MACF1: variants seen among roughly 807,000 people sequenced by gnomAD.
MACF1 encodes microtubule-actin cross-linking factor 1.
A neutral mutation model predicts 854.8 loss-of-function variants in MACF1; 193 were observed. The observed-to-expected ratio is 0.23, with a 90% CI of 0.20 to 0.25. The LOEUF is 0.25. Ranked by LOEUF, MACF1 falls within the 10% of genes least tolerant of loss-of-function variation. MACF1 has a pLI of 1.00. For missense variants in MACF1, 7,722 were observed against 8,929.1 expected, an observed-to-expected ratio of 0.86 and a Z score of 5.45; for synonymous variants, 3,185 against 3,226.7, an observed-to-expected ratio of 0.99 and a Z score of 0.44.
At chr1:39,381,045 A>AT (rs1238324463) in intron 55 of MACF1, among the ~76,000 whole-genome samples, 4 of 151,986 alleles carry the variant, frequency 2.6e-5, no homozygotes, top group South Asian at 4.1e-4. Flanking sequence ...ATGTAGATGA[A>AT]TTTTTTTTAA....
At chr1:39,453,884 C>G in intron 88 of MACF1, 34 bp downstream of exon 88, 1 of 1,612,220 alleles carries the variant, frequency 6.2e-7, no homozygotes, top group South Asian at 1.1e-5. Context: ...ACTGCACACG[C>G]CCAGTAAACT....
At chr1:39,412,891 G>T (rs1249786396) in intron 58 of MACF1, 2 of 1,610,050 alleles carry the variant, frequency 1.2e-6, no homozygotes, top group African/African-American at 1.3e-5. Flanking sequence ...TGCTGCTTTA[G>T]TGCCCTTTCC....
At chr1:39,288,496 T>TAAAA (rs150854643) in intron 15 of MACF1, among the ~76,000 whole-genome samples, 1 of 125,562 alleles carries the variant, frequency 8.0e-6, no homozygotes, top group Non-Finnish European at 1.7e-5. Context: ...AGACTCCATC[T>TAAAA]AAAAAAAAAA....
chr1:39,326,752 G>A (rs1646622925), intron 35 of MACF1, among the ~76,000 whole-genome samples: 1 of 151,372 alleles, frequency 6.6e-6, no homozygotes, highest in Non-Finnish European at 1.5e-5. Flanking sequence ...ATAGTAAATT[G>A]TGAAATGAAA....
rs1643952908 is a variant in MACF1 at position 39,435,412 on chromosome 1, C to T, written c.17785-146C>T. Reference sequence around the variant, plus strand: ...TAAGACTTAGGTGTTTTTCTGTTCCCACACAAATGGTGAGATGCTGGGCCT... The same window carrying T: ...TAAGACTTAGGTGTTTTTCTGTTCCTACACAAATGGTGAGATGCTGGGCCT... On this transcript the variant is annotated intron_variant, in intron 69 of 100. Transcript: ENST00000564288. 7.5e-6 allele frequency: 5 copies of T among 662,458 alleles called. No homozygotes were observed. In the East Asian group the frequency reaches 1.1e-4, roughly 14 times the overall value. 41.0% of individuals were successfully genotyped at this position (662,458 alleles called of 1,614,324 possible).
At chr1:39,102,577 A>G (rs6667815) in intron 2 of MACF1, 237,508 of 601,438 alleles carry the variant, frequency 0.39, 49,748 homozygotes, top group African/African-American at 0.52. Flanking sequence ...ATAACACATT[A>G]GAGGCGCTGA....
chr1:39,233,775 CTTTTTTTTTTTT>C lies in MACF1; in HGVS notation c.171+2543_171+2554del, dbSNP rs11286953. On this transcript the variant is annotated intron_variant, in intron 2 of 100. Transcript: ENST00000564288. ...TCATCTGTATGTTACCTAGCCATAG[CTTTTTTTTTTTT>C]TTTTTTTTTTATTTATTTTTTATTG... is the stretch of plus-strand genomic sequence containing the variant. Among the ~76,000 whole-genome samples the C allele has an allele frequency of 8.2e-5, 3 of 36,516 alleles. 1 individual carries two copies. The highest frequency in any genetic ancestry group is 1.9e-4 in the Non-Finnish European group (3 of 15,606). 24.0% of individuals were successfully genotyped at this position (36,516 alleles called of 152,430 possible). A position where few individuals can be genotyped will look rare whatever the true frequency, so the allele number is the denominator to read the frequency against.
intron 15 of MACF1, among the ~76,000 whole-genome samples, chr1:39,290,736 C>T (rs1335098323): frequency 4.8e-5 from 7 of 146,632 alleles, no homozygotes; most frequent in South Asian, 2.2e-4. Flanking sequence ...GGCACGATCT[C>T]GGCTCACTGC....
At chr1:39,258,053 C>G (rs1328507369) in intron 6 of MACF1, 25 bp downstream of exon 6, 4 of 1,588,364 alleles carry the variant, frequency 2.5e-6, no homozygotes, top group Non-Finnish European at 3.5e-6. Flanking sequence ...GTTTGGAATT[C>G]CTGTTGCTTT....
chr1:39,443,615 T>C, intron 79 of MACF1, 41 bp downstream of exon 79: 2 of 1,563,880 alleles, frequency 1.3e-6, no homozygotes, highest in Non-Finnish European at 1.7e-6. Flanking sequence ...GCATCCCATA[T>C]TCACTAGCTC....
intron 54 of MACF1, 27 bp from the exon 55 acceptor site, chr1:39,380,217 T>C: frequency 1.2e-6 from 2 of 1,606,908 alleles, no homozygotes; most frequent in Middle Eastern, 1.7e-4. Context: ...CAGAATCTCA[T>C]GGCATGCATG....
intron 95 of MACF1, among the ~76,000 whole-genome samples, chr1:39,467,502 T>C (rs925905268): frequency 2.0e-5 from 3 of 152,234 alleles, no homozygotes; most frequent in Non-Finnish European, 4.4e-5. Context: ...CTTTTGTTGC[T>C]CCTTACTTCA....
chr1:39,368,184 C>T lies in MACF1; in HGVS notation c.12808C>T (p.Leu4270=). Residue 4270 remains leucine, a synonymous_variant, in exon 50 of 101, where the codon CTA becomes TTA. Coordinates refer to ENST00000564288, the MANE Select transcript of MACF1 (RefSeq NM_001394062.1). ...GGAAATGGAAGACCAACAGGAGAAC[C>T]TAGATACTCTTGAGCACCTGGTCAC... ...NLEMEDQQEN[L]DTLEHLVTEL... 3 of 1,614,084 alleles carry T rather than the reference C, an allele frequency of 1.9e-6. No homozygotes were observed. The highest frequency in any genetic ancestry group is 2.5e-6 in the Non-Finnish European group (3 of 1,180,022).
intron 2 of MACF1, among the ~76,000 whole-genome samples, chr1:39,197,356 C>G (rs1288203205): frequency 6.6e-6 from 1 of 152,052 alleles, no homozygotes; most frequent in Non-Finnish European, 1.5e-5. Flanking sequence ...GGTTATCTTT[C>G]ATTGTCTTCT....
At chr1:39,126,591 C>A (rs1642865729) in intron 2 of MACF1, among the ~76,000 whole-genome samples, 1 of 151,986 alleles carries the variant, frequency 6.6e-6, no homozygotes, top group East Asian at 1.9e-4. Context: ...TCGAGACCAG[C>A]CTGGCCAACG....
intron 58 of MACF1, among the ~76,000 whole-genome samples, chr1:39,408,970 T>G (rs1293888878): frequency 7.2e-6 from 1 of 138,398 alleles, no homozygotes; most frequent in African/African-American, 2.7e-5. Context: ...TCCTCCTTCC[T>G]GTGCTCTCCG....
At chr1:39,123,841 A>G (rs978850258) in intron 2 of MACF1, among the ~76,000 whole-genome samples, 1 of 147,236 alleles carries the variant, frequency 6.8e-6, no homozygotes, top group African/African-American at 2.5e-5. Flanking sequence ...CTCCTGCCTC[A>G]GCCTCCTGAG....
At chr1:39,285,502 T>G (rs2148386450) in intron 13 of MACF1, 102 bp from the exon 14 acceptor site, 1 of 714,298 alleles carries the variant, frequency 1.4e-6, no homozygotes, top group Admixed American at 4.2e-5. Flanking sequence ...TTATTTCCCT[T>G]TTTTTTTTTT....
intron 1 of MACF1, among the ~76,000 whole-genome samples, chr1:39,209,509 T>C (rs911743444): frequency 1.3e-5 from 2 of 152,210 alleles, no homozygotes; most frequent in East Asian, 1.9e-4. Flanking sequence ...GTGAAGGAGT[T>C]GGATAATATG....
Sources: gnomAD v4.1 joint callset for allele counts (sites outside exome capture counted in the v4.1 genomes callset) on GRCh38, gnomAD v4.1.1 for gene constraint, MANE v1.5 for transcripts, NCBI Gene and HGNC (gene_info 2026-07-23, HGNC 2026-07-21) for gene names.